The following OR6J1 variants were observed in gnomAD, a reference collection of about 807,000 sequenced individuals.
OR6J1 encodes the protein olfactory receptor family 6 subfamily J member 1.
For missense variants in OR6J1, 304 were observed against 166.8 expected (o/e 1.82, Z -4.53); for synonymous variants, 109 against 70.0 (o/e 1.56, Z -2.78).
chr14:22,633,802 G>A lies in OR6J1; in HGVS notation c.1010C>T (p.Pro337Leu). 1 of 698,400 alleles carries A rather than the reference G, an allele frequency of 1.4e-6. No individual in the cohort carries two copies. Among genetic ancestry groups the A allele is most frequent in the Non-Finnish European group, 2.6e-6 (1 of 382,426 alleles). 43.3% of individuals were successfully genotyped at this position (698,400 alleles called of 1,614,324 possible). ...KDHQGRACSS[P>L]PCVYSVKLQC is the part of the protein sequence containing the mutation. ...GAGCTTTACAGAATAGACACATGGT[G>A]GAGAAGAGCAAGCCCTTCCTTGGTG... Residue 337 changes from proline (P) to leucine (L), a missense_variant, in exon 2 of 2, where the codon CCA becomes CTA. Physicochemically the swap from Pro to Leu is moderately conservative, Grantham distance 98. Transcript: ENST00000540461.
Position 22,633,825 on chromosome 14 carries a change from G to C in OR6J1, c.987C>G (p.His329Gln). Residue 329 changes from histidine (H) to glutamine (Q), a missense_variant, in exon 2 of 2, where the codon CAC becomes CAG. Coordinates refer to ENST00000540461, the MANE Select transcript of OR6J1 (RefSeq NM_001348233.2). ...GTGGAGAAGAGCAAGCCCTTCCTTG[G>C]TGGTCTTTGTTGGAGGATAATCTGC... ...LRSRLSSNKD[H>Q]QGRACSSPPC... 1 of 702,172 alleles carries C rather than the reference G, an allele frequency of 1.4e-6. No individual in the cohort carries two copies. Among genetic ancestry groups the C allele is most frequent in the South Asian group, 1.5e-5 (1 of 67,502 alleles). 43.5% of individuals were successfully genotyped at this position (702,172 alleles called of 1,614,324 possible).
intron 1 of OR6J1, among the ~76,000 whole-genome samples, chr14:22,636,237 T>G (rs566761910): frequency 0.16 from 24 of 154 alleles, no homozygotes; most frequent in South Asian, 0.5. Flanking sequence ...CCTCTCCCTC[T>G]CCCTCTCCCT....
chr14:22,643,643 C>G (rs567029841), intron 1 of OR6J1, among the ~76,000 whole-genome samples: 1 of 150,240 alleles, frequency 6.7e-6, no homozygotes, highest in African/African-American at 2.4e-5. Flanking sequence ...TGCCAAGGAT[C>G]TTAAAGAACC....
chr14:22,633,916 A>ACTC lies in OR6J1; in HGVS notation c.893_895dup (p.Gly298dup), dbSNP rs1405474199. On this transcript the variant is annotated inframe_insertion, in exon 2 of 2. Coordinates refer to ENST00000540461, the MANE Select transcript of OR6J1 (RefSeq NM_001348233.2). ...AACCCTGACCCACACATCCCTGAGGACTCCCTGCACTGTGTCATTCCTCAG... is the reference window on the plus strand; with the variant it reads ...AACCCTGACCCACACATCCCTGAGGACTCCTCCCTGCACTGTGTCATTCCTCAG... 1.4e-6 allele frequency: 1 copy of ACTC among 702,630 alleles called. No individual in the cohort carries two copies. The highest frequency in any genetic ancestry group is 2.6e-6 in the Non-Finnish European group (1 of 384,826). 43.5% of individuals were successfully genotyped at this position (702,630 alleles called of 1,614,324 possible). A position where few individuals can be genotyped will look rare whatever the true frequency, so the allele number is the denominator to read the frequency against.
intron 1 of OR6J1, among the ~76,000 whole-genome samples, chr14:22,635,860 T>A (rs939599709): frequency 6.6e-6 from 1 of 152,092 alleles, no homozygotes; most frequent in Non-Finnish European, 1.5e-5. Context: ...AGAATGTTGT[T>A]TTTGGCCTCA....
At chr14:22,642,230 A>G (rs536792798) in intron 1 of OR6J1, among the ~76,000 whole-genome samples, 12 of 151,238 alleles carry the variant, frequency 7.9e-5, no homozygotes, top group African/African-American at 2.4e-4. Flanking sequence ...AGTACCATAC[A>G]TTCCACCCAT....
At position 22,634,279 on chromosome 14, in the gene OR6J1, CAGA is replaced by C; in HGVS notation, c.530_532del (p.Phe177del). On this transcript the variant is annotated inframe_deletion, in exon 2 of 2. Transcript: ENST00000540461. ...CAGGGCCAGCAAGGGTCCACTGTCACAGAAGAAGTGGTTAATGATATTGGAGCC... is the reference window on the plus strand; with the variant it reads ...CAGGGCCAGCAAGGGTCCACTGTCACAGAAGTGGTTAATGATATTGGAGCC... 1 of 703,312 alleles carries C rather than the reference CAGA, an allele frequency of 1.4e-6. No individual in the cohort carries two copies. Among genetic ancestry groups the C allele is most frequent in the Non-Finnish European group, 2.6e-6 (1 of 384,996 alleles). The allele number at this position is 703,312 out of a possible 1,614,324, so 43.6% of individuals were successfully genotyped here. A position where few individuals can be genotyped will look rare whatever the true frequency, so the allele number is the denominator to read the frequency against.
In OR6J1 at chr14:22,634,707, C is replaced by G; in HGVS notation, c.105G>C (p.Leu35=). The G allele has an allele frequency of 2.8e-6, 2 of 721,870 alleles. No homozygotes were observed. Among genetic ancestry groups the G allele is most frequent in the Non-Finnish European group, 5.1e-6 (2 of 393,480 alleles). 44.7% of individuals were successfully genotyped at this position (721,870 alleles called of 1,614,324 possible). A position where few individuals can be genotyped will look rare whatever the true frequency, so the allele number is the denominator to read the frequency against. The change falls in exon 2 of 2, where the codon CTG becomes CTC. Residue 35 remains leucine (L), a synonymous_variant. Transcript: ENST00000540461. The part of the protein sequence containing the change: ...LLLVLLLPTF[L]LTLLGNLLII... ...TGAGCAGGTTCCCCAGAAGAGTCAG[C>G]AGGAACGTGGGCAGCAGGAGCACCA...
At chr14:22,637,557 G>A (rs1450971983) in intron 1 of OR6J1, among the ~76,000 whole-genome samples, 8 of 38,878 alleles carry the variant, frequency 2.1e-4, no homozygotes, top group Non-Finnish European at 2.0e-4. Context: ...CCCCCTGCCC[G>A]GCCAGCCGCC....
chr14:22,641,707 T>TA (rs535015293), intron 1 of OR6J1, among the ~76,000 whole-genome samples: 34 of 152,084 alleles, frequency 2.2e-4, no homozygotes, highest in South Asian at 6.2e-4. Flanking sequence ...GCAGAGATGG[T>TA]AAAAAAAATT....
At chr14:22,636,582 C>T (rs1216983093) in intron 1 of OR6J1, among the ~76,000 whole-genome samples, 5 of 120,390 alleles carry the variant, frequency 4.2e-5, no homozygotes, top group South Asian at 2.4e-4. Context: ...CACTGGTTTT[C>T]GTTTTTTTTT....
At chr14:22,639,410 G>T (rs2037625114) in intron 1 of OR6J1, among the ~76,000 whole-genome samples, 1 of 125,698 alleles carries the variant, frequency 8.0e-6, no homozygotes, top group African/African-American at 3.6e-5. Context: ...GGAGGTGAGG[G>T]GCGCCTCTGC....
At position 22,631,087 on chromosome 14, in the gene OR6J1, G is replaced by A. The variant is rs1283066163; in HGVS notation, c.*2681C>T. On this transcript the variant is annotated 3_prime_UTR_variant, in exon 2 of 2. Coordinates refer to ENST00000540461, the MANE Select transcript of OR6J1 (RefSeq NM_001348233.2). ...TCACAGAGGTCACGTACTTTACAAA[G>A]TAATAGAATATCACAAGGCAAAGGG... 6.6e-6 allele frequency: 1 copy of A among 152,138 alleles called. No individual in the cohort carries two copies. Among genetic ancestry groups the A allele is most frequent in the African/African-American group, 2.4e-5 (1 of 41,420 alleles). 9.4% of individuals were successfully genotyped at this position (152,138 alleles called of 1,614,324 possible). A position where few individuals can be genotyped will look rare whatever the true frequency, so the allele number is the denominator to read the frequency against.
chr14:22,639,494 C>T (rs1260272868), intron 1 of OR6J1, among the ~76,000 whole-genome samples: 2 of 132,752 alleles, frequency 1.5e-5, no homozygotes, highest in African/African-American at 6.7e-5. Context: ...TGCCCAACAG[C>T]TCATTGAGAA....
In OR6J1 at chr14:22,644,165, G is replaced by A. The variant is rs2139300718; in HGVS notation, c.-95C>T. ...TTCACCTGGGATTTGCTGCCACCTAGGATCTTCCACGGTAATTATCTTGAC... is the reference window on the plus strand; with the variant it reads ...TTCACCTGGGATTTGCTGCCACCTAAGATCTTCCACGGTAATTATCTTGAC... On this transcript the variant is annotated 5_prime_UTR_variant, in exon 1 of 2. Transcript: ENST00000540461. 6.6e-6 allele frequency: 1 copy of A among 152,498 alleles called. No homozygotes were observed. Among genetic ancestry groups the A allele is most frequent in the South Asian group, 2.1e-4 (1 of 4,824 alleles). 9.4% of individuals were successfully genotyped at this position (152,498 alleles called of 1,614,324 possible).
rs2037565243 is a variant in OR6J1 at position 22,634,002 on chromosome 14, G to T, written c.810C>A (p.Asn270Lys). 1.4e-6 allele frequency: 1 copy of T among 702,768 alleles called. No individual in the cohort carries two copies. The highest frequency in any genetic ancestry group is 2.6e-6 in the Non-Finnish European group (1 of 384,862). 43.5% of individuals were successfully genotyped at this position (702,768 alleles called of 1,614,324 possible). Residue 270 changes from asparagine to lysine, a missense_variant, in exon 2 of 2, where the codon AAC (asparagine) becomes AAA (lysine). Transcript: ENST00000540461. The stretch of plus-strand genomic sequence containing the variant: ...CACTGCTCAGAACCAAAGGGATCTT[G>T]TTGATCTCCAGATATTCTTTCTGGG... ...TPSQKEYLEINKIPLVLSSVV... is the reference protein window; with the variant it reads ...TPSQKEYLEIKKIPLVLSSVV...
chr14:22,636,938 T>C (rs1458326999), intron 1 of OR6J1, among the ~76,000 whole-genome samples: 4 of 122,296 alleles, frequency 3.3e-5, no homozygotes, highest in Admixed American at 7.4e-5. Flanking sequence ...GGAGCGTCTC[T>C]GCCCGGCCGC....
intron 1 of OR6J1, among the ~76,000 whole-genome samples, chr14:22,638,826 C>T (rs1165560578): frequency 1.1e-5 from 1 of 90,604 alleles, no homozygotes; most frequent in Non-Finnish European, 2.4e-5. Context: ...GCTGCCCAGT[C>T]TGGAAAGTGA....
chr14:22,640,759 G>A (rs1436697127), intron 1 of OR6J1, among the ~76,000 whole-genome samples: 3 of 151,358 alleles, frequency 2.0e-5, no homozygotes, highest in African/African-American at 7.3e-5. Flanking sequence ...GGGCTCAAGC[G>A]ATTCTCCTGC....
Sources: allele counts gnomAD v4.1 joint callset (sites outside exome capture counted in the v4.1 genomes callset), GRCh38; gene constraint gnomAD v4.1.1; transcripts MANE v1.5; gene names NCBI Gene and HGNC (gene_info 2026-07-23, HGNC 2026-07-21).